Variants in BACE1 observed in about 807,000 individuals in gnomAD.
BACE1 encodes APP beta-secretase.
Under a neutral mutation model 54.0 loss-of-function variants are expected in BACE1, and 21 were observed. The observed-to-expected ratio is 0.39, with a 90% CI of 0.28 to 0.56. The LOEUF (loss-of-function observed/expected upper bound fraction) is 0.56. BACE1 is among the 20% of genes least tolerant of loss of function. BACE1 has a pLI of 0.63. For missense variants in BACE1, 511 were observed against 661.2 expected, an observed-to-expected ratio of 0.77 and a Z score of 2.49; for synonymous variants, 232 against 260.9, an observed-to-expected ratio of 0.89 and a Z score of 1.07.
chr11:117,306,300 G>C (rs2034832148), intron 1 of BACE1, among the ~76,000 whole-genome samples: 1 of 152,244 alleles, frequency 6.6e-6, no homozygotes, highest in Admixed American at 6.5e-5. Flanking sequence ...TGTTTTTCAT[G>C]GTCAGACAGT....
chr11:117,300,490 C>G (rs1264415970), intron 1 of BACE1, among the ~76,000 whole-genome samples: 1 of 152,140 alleles, frequency 6.6e-6, no homozygotes, highest in African/African-American at 2.4e-5. Flanking sequence ...AGGACGGGCC[C>G]GAGGCAAGGC....
At chr11:117,301,901 C>T (rs2034734170) in intron 1 of BACE1, among the ~76,000 whole-genome samples, 1 of 152,232 alleles carries the variant, frequency 6.6e-6, no homozygotes, top group Non-Finnish European at 1.5e-5. Context: ...TGGAATATCA[C>T]AGTAGTTTCC....
chr11:117,315,464 T>A lies in BACE1; in HGVS notation c.261+71A>T. On this transcript the variant is annotated intron_variant, in intron 1 of 8. Transcript: ENST00000313005. The surrounding 1 kb of genome is among the most constrained non-coding windows in gnomAD (Gnocchi z 5.5). The stretch of plus-strand genomic sequence containing the variant: ...CAGCCCATTTGAGCAGGGGCTAGCT[T>A]GAGGCATCCCCATCCTGTCTCCCCT... 1 of 1,529,864 alleles carries A rather than the reference T, an allele frequency of 6.5e-7. No homozygotes were observed. Among genetic ancestry groups the A allele is most frequent in the Non-Finnish European group, 8.7e-7 (1 of 1,145,462 alleles). 94.8% of individuals were successfully genotyped at this position (1,529,864 alleles called of 1,614,324 possible). A position where few individuals can be genotyped will look rare whatever the true frequency, so the allele number is the denominator to read the frequency against.
chr11:117,298,868 C>T (rs958132823), intron 1 of BACE1, among the ~76,000 whole-genome samples: 2 of 152,156 alleles, frequency 1.3e-5, no homozygotes, highest in Non-Finnish European at 2.9e-5. Flanking sequence ...TGCAATGGCG[C>T]GATCTCGGCT....
In BACE1 at chr11:117,316,142, G is replaced by A. The variant is rs1325045599; in HGVS notation, c.-347C>T. On this transcript the variant is annotated 5_prime_UTR_variant, in exon 1 of 9. Transcript: ENST00000313005. ...TCCCTGGTCCCCCCGGCGGGCGGCG[G>A]CGCGGGCAGGGGCAAGGGCTCCGGG... The A allele has an allele frequency of 1.8e-5, 7 of 397,544 alleles. No homozygotes were observed. The highest frequency in any genetic ancestry group is 4.4e-5 in the Admixed American group (1 of 22,596). 24.6% of individuals were successfully genotyped at this position (397,544 alleles called of 1,614,324 possible).
At chr11:117,313,361 G>T (rs1002108302) in intron 1 of BACE1, among the ~76,000 whole-genome samples, 1 of 152,238 alleles carries the variant, frequency 6.6e-6, no homozygotes, top group Non-Finnish European at 1.5e-5. Context: ...TCTCTGCTAA[G>T]TACTGGGCTG....
At chr11:117,291,541 G>T (rs1244454765) in intron 6 of BACE1, among the ~76,000 whole-genome samples, 171 bp downstream of exon 6, 1 of 152,210 alleles carries the variant, frequency 6.6e-6, no homozygotes, top group Non-Finnish European at 1.5e-5. Context: ...CTCCCAAAGT[G>T]CTGGGATTAC....
rs145727483 is a variant in BACE1 at position 117,310,763 on chromosome 11, G to A, written c.261+4772C>T. Among the ~76,000 whole-genome samples, 891 of 152,294 alleles carry A rather than the reference G, an allele frequency of 5.9e-3. 5 individuals carry two copies. The highest frequency in any genetic ancestry group is 7.9e-3 in the Non-Finnish European group (537 of 68,032). On this transcript the variant is annotated intron_variant, in intron 1 of 8. Transcript: ENST00000313005. ...GAGAGAAACAAACACAAAAACAGTT[G>A]TAATACATTACAAGTGTAGTAATGG...
At chr11:117,299,415 TC>T (rs2034673048) in intron 1 of BACE1, among the ~76,000 whole-genome samples, 1 of 152,020 alleles carries the variant, frequency 6.6e-6, no homozygotes, top group African/African-American at 2.4e-5. Context: ...TCTCTGGACT[TC>T]AGTTTCGTCC....
chr11:117,302,952 A>C (rs940906714), intron 1 of BACE1, among the ~76,000 whole-genome samples: 5 of 152,216 alleles, frequency 3.3e-5, no homozygotes, highest in Non-Finnish European at 7.3e-5. Context: ...ACCTCCCCTC[A>C]TATCGAATTT....
intron 1 of BACE1, among the ~76,000 whole-genome samples, chr11:117,305,899 G>A (rs995634284): frequency 2.6e-5 from 4 of 152,164 alleles, no homozygotes; most frequent in South Asian, 2.1e-4. Flanking sequence ...AGCCGGGCGT[G>A]ATGGCAGGCG....
intron 1 of BACE1, among the ~76,000 whole-genome samples, chr11:117,301,524 G>A (rs1385333584): frequency 4.6e-5 from 7 of 151,892 alleles, no homozygotes; most frequent in African/African-American, 1.2e-4. Context: ...TGAAAGGATC[G>A]CTTGAGCCCA....
intron 1 of BACE1, among the ~76,000 whole-genome samples, chr11:117,303,792 A>G (rs1055617384): frequency 2.8e-4 from 42 of 152,204 alleles, no homozygotes; most frequent in African/African-American, 9.9e-4. Flanking sequence ...TGTGGGCCTC[A>G]TGGCTAAAGA....
At chr11:117,308,607 A>G (rs1459781204) in intron 1 of BACE1, among the ~76,000 whole-genome samples, 1 of 152,184 alleles carries the variant, frequency 6.6e-6, no homozygotes, top group Non-Finnish European at 1.5e-5. Flanking sequence ...GCTAATACCT[A>G]TCCCTTATAA....
At chr11:117,296,992 A>G in intron 1 of BACE1, 31 bp from the exon 2 acceptor site, 1 of 1,562,648 alleles carries the variant, frequency 6.4e-7, no homozygotes, top group Non-Finnish European at 8.8e-7. Flanking sequence ...AAAAGACAGT[A>G]TAGACAGGAG....
chr11:117,314,040 G>A (rs2035015219), intron 1 of BACE1, among the ~76,000 whole-genome samples: 1 of 152,214 alleles, frequency 6.6e-6, no homozygotes, highest in South Asian at 2.1e-4. Context: ...GGGTGGTAGA[G>A]CTGGGATTCG....
At chr11:117,291,844 C>A in intron 5 of BACE1, 31 bp from the exon 6 acceptor site, 1 of 1,558,078 alleles carries the variant, frequency 6.4e-7, no homozygotes, top group Non-Finnish European at 8.8e-7. Context: ...TTAAAAGAGT[C>A]AAAAGGTTTT....
rs778590733 is a variant in BACE1, at chr11:117,315,673, C to G, written c.123G>C (p.Leu41=). Residue 41 remains leucine (L), a synonymous_variant, in exon 1 of 9, where the codon CTG becomes CTC. Transcript: ENST00000313005. The surrounding 1 kb of genome is among the most constrained non-coding windows in gnomAD (Gnocchi z 5.5). ...RSGLGGAPLG[L]RLPRETDEEP... is the part of the protein sequence containing the mutation. ...CTTCGTCGGTCTCCCGGGGCAGCCG[C>G]AGCCCCAGGGGGGCGCCCCCCAGGC... The G allele has an allele frequency of 5.8e-6, 9 of 1,542,436 alleles. No individual in the cohort carries two copies. The highest frequency in any genetic ancestry group is 7.8e-6 in the Non-Finnish European group (9 of 1,146,818).
Position 117,293,149 on chromosome 11 carries a change from G to T in BACE1, c.745C>A (p.Leu249Ile). ...GIDHSLYTGS[L>I]WYTPIRREWY... is the part of the protein sequence containing the mutation. Reference sequence around the variant, plus strand: ...TCCCGCCGGATGGGTGTATACCAGAGACTGCCTGTGTACAGCGAGTGGTCG... The same window carrying T: ...TCCCGCCGGATGGGTGTATACCAGATACTGCCTGTGTACAGCGAGTGGTCG... Residue 249 changes from leucine (L) to isoleucine (I), a missense_variant, in exon 5 of 9, where the codon CTC becomes ATC. Physicochemically the swap from Leu to Ile is conservative, Grantham distance 5. Around this residue, in one of 2 missense-constraint regions of BACE1, gnomAD observed 407 missense variants for 565.7 expected, o/e 0.72. Transcript: ENST00000313005. This position sits in a 1 kb window ranked among gnomAD's most constrained non-coding sequence, Gnocchi z 4.1. 3 of 1,614,028 alleles carry T rather than the reference G, an allele frequency of 1.9e-6. No homozygotes were observed. Among genetic ancestry groups the T allele is most frequent in the Non-Finnish European group, 2.5e-6 (3 of 1,179,994 alleles).
Sources: gnomAD v4.1 joint callset for allele counts (sites outside exome capture counted in the v4.1 genomes callset) on GRCh38, gnomAD v4.1.1 for gene constraint, gnomAD v4.1.1 regional missense constraint, Gnocchi (gnomAD v3.1) non-coding constraint, MANE v1.5 for transcripts, NCBI Gene and HGNC (gene_info 2026-07-23, HGNC 2026-07-21) for gene names.